Variants in SEL1L2 observed in about 807,000 individuals in gnomAD.
The protein encoded by SEL1L2 is protein sel-1 homolog 2.
SEL1L2 carries 89 observed loss-of-function variants against 98.8 expected under a neutral mutation model. That is an observed-to-expected ratio of 0.90 (90% CI 0.76 to 1.07). The LOEUF (loss-of-function observed/expected upper bound fraction) is 1.07, where lower values mean the gene tolerates loss of function less well. Among genes scored for constraint, SEL1L2 ranks in the 50% least tolerant of loss-of-function variants. SEL1L2 has a pLI of 0.00. For synonymous variants in SEL1L2, 262 were observed against 278.5 expected (o/e 0.94, Z 0.59); for missense variants, 788 against 812.0 (o/e 0.97, Z 0.36).
At chr20:13,922,690 T>G (rs2048716016) in intron 3 of SEL1L2, among the ~76,000 whole-genome samples, 1 of 152,216 alleles carries the variant, frequency 6.6e-6, no homozygotes, top group South Asian at 2.1e-4. Flanking sequence ...ACTATGATAT[T>G]CACCTCGCTC....
At position 13,913,767 on chromosome 20, in the gene SEL1L2, T is replaced by G. The variant is rs759107681; in HGVS notation, c.549+15A>C. 1 of 1,506,986 alleles carries G rather than the reference T, an allele frequency of 6.6e-7. No individual in the cohort carries two copies. Among genetic ancestry groups the G allele is most frequent in the Non-Finnish European group, 8.8e-7 (1 of 1,137,814 alleles). 93.4% of individuals were successfully genotyped at this position (1,506,986 alleles called of 1,614,324 possible). ...GATGGAGCTATTTAAGGTTTCATTT[T>G]CCTTCAAAACTCACGTTTTGGGCTT... is the stretch of plus-strand genomic sequence containing the variant. On this transcript the variant is annotated intron_variant, in intron 5 of 19. Coordinates refer to ENST00000284951, the MANE Select transcript of SEL1L2 (RefSeq NM_025229.2).
intron 3 of SEL1L2, among the ~76,000 whole-genome samples, chr20:13,921,398 C>T (rs1367589213): frequency 6.6e-6 from 1 of 152,150 alleles, no homozygotes; most frequent in Non-Finnish European, 1.5e-5. Flanking sequence ...CCTCGAGCTC[C>T]TGACCTCAAG....
At chr20:13,920,342 T>C (rs1342524041) in intron 3 of SEL1L2, among the ~76,000 whole-genome samples, 1 of 152,012 alleles carries the variant, frequency 6.6e-6, no homozygotes, top group Non-Finnish European at 1.5e-5. Flanking sequence ...CCTCGTAGGA[T>C]GAGGGCTCAG....
chr20:13,951,718 A>T (rs973099784), intron 2 of SEL1L2, among the ~76,000 whole-genome samples: 1 of 147,504 alleles, frequency 6.8e-6, no homozygotes, highest in African/African-American at 2.5e-5. Context: ...ATTGTTTTTT[A>T]ACAAAAATGA....
At chr20:13,943,947 C>T (rs2049896469) in intron 2 of SEL1L2, among the ~76,000 whole-genome samples, 1 of 151,888 alleles carries the variant, frequency 6.6e-6, no homozygotes, top group African/African-American at 2.4e-5. Context: ...CCTGAAGGAA[C>T]CAATTAAGAG....
intron 2 of SEL1L2, among the ~76,000 whole-genome samples, chr20:13,951,842 GAACC>G (rs2050294012): frequency 6.6e-6 from 1 of 151,298 alleles, no homozygotes; most frequent in African/African-American, 2.4e-5. Flanking sequence ...TTGTTCCTGT[GAACC>G]AACCAATCAA....
intron 1 of SEL1L2, among the ~76,000 whole-genome samples, chr20:13,985,887 A>G (rs1206438654): frequency 6.6e-6 from 1 of 152,178 alleles, no homozygotes; most frequent in African/African-American, 2.4e-5. Flanking sequence ...TGGACATTTC[A>G]TACCTAGGAA....
At chr20:13,877,859 C>T (rs2046507570) in intron 10 of SEL1L2, among the ~76,000 whole-genome samples, 2 of 152,180 alleles carry the variant, frequency 1.3e-5, no homozygotes, top group African/African-American at 4.8e-5. Context: ...ATTTGGAAAG[C>T]CACGATGGGA....
At chr20:13,878,364 C>T (rs2147923097) in intron 10 of SEL1L2, among the ~76,000 whole-genome samples, 1 of 149,562 alleles carries the variant, frequency 6.7e-6, no homozygotes, top group East Asian at 2.0e-4. Flanking sequence ...AGTGCAGTGG[C>T]ACGATCTCGG....
chr20:13,974,835 G>A (rs2051461454), intron 1 of SEL1L2, among the ~76,000 whole-genome samples: 2 of 151,942 alleles, frequency 1.3e-5, no homozygotes, highest in Admixed American at 1.3e-4. Context: ...GCACATTTTG[G>A]GCAAAAGTTT....
At chr20:13,940,245 A>G (rs1420330117) in intron 2 of SEL1L2, among the ~76,000 whole-genome samples, 2 of 152,238 alleles carry the variant, frequency 1.3e-5, no homozygotes, top group African/African-American at 4.8e-5. Context: ...CATAATTTTG[A>G]TTGGGTGTCC....
chr20:13,985,972 C>T (rs1277985345), intron 1 of SEL1L2, among the ~76,000 whole-genome samples: 3 of 152,124 alleles, frequency 2.0e-5, no homozygotes, highest in East Asian at 1.9e-4. Flanking sequence ...TATCATACTT[C>T]GTTTGTTGTT....
intron 15 of SEL1L2, among the ~76,000 whole-genome samples, chr20:13,865,912 A>G (rs978857812): frequency 6.6e-6 from 1 of 152,048 alleles, no homozygotes; most frequent in Non-Finnish European, 1.5e-5. Context: ...TTATAAGGCC[A>G]CAGCTGATGT....
chr20:13,935,025 A>G (rs1278466147), intron 2 of SEL1L2, among the ~76,000 whole-genome samples: 1 of 152,206 alleles, frequency 6.6e-6, no homozygotes, highest in Admixed American at 6.5e-5. Flanking sequence ...CAGTTCAACA[A>G]TAACTAGCAT....
At chr20:13,955,086 G>A (rs948669941) in intron 2 of SEL1L2, among the ~76,000 whole-genome samples, 7 of 152,124 alleles carry the variant, frequency 4.6e-5, no homozygotes, top group Admixed American at 1.3e-4. Context: ...CATTTATTGA[G>A]TGTCTGCTAT....
At chr20:13,901,117 C>T (rs1424147803) in intron 5 of SEL1L2, among the ~76,000 whole-genome samples, 2 of 142,852 alleles carry the variant, frequency 1.4e-5, no homozygotes, top group East Asian at 2.0e-4. Flanking sequence ...GTCCTCCAGG[C>T]TGGAGTGCAG....
chr20:13,972,493 G>A (rs901161388), intron 1 of SEL1L2, among the ~76,000 whole-genome samples: 2 of 152,148 alleles, frequency 1.3e-5, no homozygotes, highest in Non-Finnish European at 2.9e-5. Context: ...AAGGTTACTT[G>A]GCTTACCACT....
chr20:13,886,229 G>T (rs1007823950), intron 9 of SEL1L2, 59 bp downstream of exon 9: 7 of 1,313,260 alleles, frequency 5.3e-6, no homozygotes, highest in Non-Finnish European at 7.5e-6. Flanking sequence ...GACTCAGAAA[G>T]AATTAAGCCC....
At chr20:13,854,314 T>A (rs1988788577) in intron 18 of SEL1L2, among the ~76,000 whole-genome samples, 1 of 152,214 alleles carries the variant, frequency 6.6e-6, no homozygotes, top group African/African-American at 2.4e-5. Context: ...TCTGCCATAC[T>A]TTAGAACAGC....
Sources: gnomAD v4.1 joint callset for allele counts (sites outside exome capture counted in the v4.1 genomes callset) on GRCh38, gnomAD v4.1.1 for gene constraint, MANE v1.5 for transcripts, NCBI Gene and HGNC (gene_info 2026-07-23, HGNC 2026-07-21) for gene names.